ALKAL1: variants seen among roughly 807,000 people sequenced by gnomAD.
ALKAL1 encodes the protein ALK and LTK ligand 1, also known as AUG-beta.
ALKAL1 carries 23 observed loss-of-function variants against 13.5 expected under a neutral mutation model. The observed-to-expected ratio is 1.70, with a 90% CI of 1.23 to 2.41. The LOEUF is 2.41. Among genes scored for constraint, ALKAL1 ranks in the 30% most tolerant of loss-of-function variants. The pLI is 0.00. For synonymous variants in ALKAL1, 85 were observed against 77.7 expected (o/e 1.09, Z -0.49); for missense variants, 181 against 178.4 (o/e 1.01, Z -0.08).
At chr8:52,563,528 G>T (rs1455056075) in intron 1 of ALKAL1, among the ~76,000 whole-genome samples, 1 of 152,242 alleles carries the variant, frequency 6.6e-6, no homozygotes, top group African/African-American at 2.4e-5. Flanking sequence ...GAATGAAACA[G>T]AAGGTCTGAA....
chr8:52,536,123 G>A (rs1847265111), intron 4 of ALKAL1, among the ~76,000 whole-genome samples: 1 of 152,162 alleles, frequency 6.6e-6, no homozygotes, highest in Non-Finnish European at 1.5e-5. Flanking sequence ...ATTTTTAGTA[G>A]AGACAGGGTT....
chr8:52,546,424 G>T (rs545196993), intron 1 of ALKAL1, among the ~76,000 whole-genome samples: 8 of 152,148 alleles, frequency 5.3e-5, no homozygotes, highest in African/African-American at 1.4e-4. Flanking sequence ...AATAATAGAC[G>T]CTAGGAATAA....
At chr8:52,562,889 G>C (rs1409568221) in intron 1 of ALKAL1, among the ~76,000 whole-genome samples, 2 of 152,168 alleles carry the variant, frequency 1.3e-5, no homozygotes, top group African/African-American at 4.8e-5. Context: ...AGAACATCCA[G>C]ATAGGCCCTT....
intron 1 of ALKAL1, among the ~76,000 whole-genome samples, chr8:52,554,768 GGAAT>G (rs1847463917): frequency 6.6e-6 from 1 of 152,292 alleles, no homozygotes; most frequent in South Asian, 2.1e-4. Flanking sequence ...AGAGAAAGAA[GGAAT>G]GGTCAGAGAA....
intron 1 of ALKAL1, among the ~76,000 whole-genome samples, chr8:52,554,722 A>C (rs1372038108): frequency 6.6e-6 from 1 of 152,230 alleles, no homozygotes; most frequent in Non-Finnish European, 1.5e-5. Context: ...CTTGGGGTAC[A>C]CAAACACTTA....
chr8:52,537,184 A>G (rs988980650), intron 4 of ALKAL1, among the ~76,000 whole-genome samples: 2 of 152,248 alleles, frequency 1.3e-5, no homozygotes, highest in Admixed American at 6.5e-5. Flanking sequence ...ATTTCTCAAA[A>G]GAAGACATAC....
At chr8:52,548,914 T>C (rs1326394818) in intron 1 of ALKAL1, among the ~76,000 whole-genome samples, 1 of 152,122 alleles carries the variant, frequency 6.6e-6, no homozygotes, top group Non-Finnish European at 1.5e-5. Flanking sequence ...TACTATCTCT[T>C]ATTCTTATAT....
At chr8:52,555,801 G>C (rs185500697) in intron 1 of ALKAL1, among the ~76,000 whole-genome samples, 1 of 152,094 alleles carries the variant, frequency 6.6e-6, no homozygotes, top group Non-Finnish European at 1.5e-5. Context: ...CATTTTCCCC[G>C]TTCCTCCTTC....
intron 1 of ALKAL1, among the ~76,000 whole-genome samples, chr8:52,545,878 G>A (rs748343901): frequency 1.3e-5 from 2 of 152,300 alleles, no homozygotes; most frequent in African/African-American, 2.4e-5. Flanking sequence ...GAAATGCATC[G>A]TTAGGAGATT....
At chr8:52,542,678 T>C (rs769908979) in intron 1 of ALKAL1, among the ~76,000 whole-genome samples, 8 of 152,170 alleles carry the variant, frequency 5.3e-5, no homozygotes, top group Non-Finnish European at 1.2e-4. Flanking sequence ...CTCTCAAAAG[T>C]GCACAGCCGC....
intron 1 of ALKAL1, among the ~76,000 whole-genome samples, chr8:52,560,024 G>A (rs549138820): frequency 7.2e-5 from 11 of 151,968 alleles, no homozygotes; most frequent in African/African-American, 2.2e-4. Context: ...ATTAAAAACC[G>A]AGTAACCCCT....
chr8:52,558,347 C>CAA (rs398007812), intron 1 of ALKAL1, among the ~76,000 whole-genome samples: 431 of 18,824 alleles, frequency 0.023, 50 homozygotes, highest in African/African-American at 0.043. Context: ...GACTCCATCT[C>CAA]AAAAAAAAAA....
intron 1 of ALKAL1, among the ~76,000 whole-genome samples, chr8:52,546,429 G>C (rs1441541360): frequency 6.6e-6 from 1 of 152,120 alleles, no homozygotes; most frequent in Non-Finnish European, 1.5e-5. Context: ...TAGACGCTAG[G>C]AATAATAGCT....
Position 52,553,592 on chromosome 8 carries a change from C to A in ALKAL1, c.191-11147G>T, listed in dbSNP as rs182680301. Among the ~76,000 whole-genome samples the A allele has an allele frequency of 6.1e-4, 93 of 152,200 alleles. No homozygotes were observed. The East Asian group carries it at 8.7e-3, about 14-fold the overall frequency. On this transcript the variant is annotated intron_variant, in intron 1 of 4. Coordinates refer to ENST00000358543, the MANE Select transcript of ALKAL1 (RefSeq NM_207413.4). ...GGTTTCTTTTATAAATTCAGGTAGA[C>A]AAATTAAATAATCTCTAAAGTCCTT...
chr8:52,534,554 T>C lies in ALKAL1; in HGVS notation c.*59A>G, dbSNP rs1278297638. The C allele has an allele frequency of 3.3e-6, 2 of 601,192 alleles. No individual in the cohort carries two copies. Among genetic ancestry groups the C allele is most frequent in the Non-Finnish European group, 5.9e-6 (2 of 339,896 alleles). The allele number at this position is 601,192 out of a possible 1,614,324, so 37.2% of individuals were successfully genotyped here. ...TCATCTTTTTTTACATTTTGCATGA[T>C]TTGAGGCACTTTTTCTTCAAATTAG... On this transcript the variant is annotated 3_prime_UTR_variant, in exon 5 of 5. Coordinates refer to ENST00000358543, the MANE Select transcript of ALKAL1 (RefSeq NM_207413.4).
At chr8:52,564,624 C>T (rs1847582088) in intron 1 of ALKAL1, among the ~76,000 whole-genome samples, 1 of 152,128 alleles carries the variant, frequency 6.6e-6, no homozygotes, top group Non-Finnish European at 1.5e-5. Context: ...CTGCGGCCAG[C>T]GTGAAAGGGG....
intron 4 of ALKAL1, among the ~76,000 whole-genome samples, chr8:52,537,455 C>T (rs1000944571): frequency 2.0e-5 from 3 of 152,096 alleles, no homozygotes; most frequent in African/African-American, 7.2e-5. Flanking sequence ...CCATATGACC[C>T]CAAAATCCCA....
chr8:52,534,610 TA>T lies in ALKAL1; in HGVS notation c.*13-11del. 1 of 599,898 alleles carries T rather than the reference TA, an allele frequency of 1.7e-6. No homozygotes were observed. The highest frequency in any genetic ancestry group is 3.0e-6 in the Non-Finnish European group (1 of 338,286). 37.2% of individuals were successfully genotyped at this position (599,898 alleles called of 1,614,324 possible). On this transcript the variant is annotated splice_polypyrimidine_tract_variant and intron_variant, in intron 4 of 4. Transcript: ENST00000358543. Reference sequence around the variant, plus strand: ...CATTCTTAGGAAATGTCTGTGGGGGTAAAAGAAGAGCCATATCATTTATGAC... The same window carrying T: ...CATTCTTAGGAAATGTCTGTGGGGGTAAAGAAGAGCCATATCATTTATGAC...
At position 52,538,351 on chromosome 8, in the gene ALKAL1, C is replaced by T. The variant is rs1236697669; in HGVS notation, c.*12+80G>A. ...ATAAATATGTACAATCATTATGTGT[C>T]AACTAAAAAGAAAAGGAAAAAATGT... is the stretch of plus-strand genomic sequence containing the variant. On this transcript the variant is annotated intron_variant, in intron 4 of 4. Transcript: ENST00000358543. 8.8e-6 allele frequency: 7 copies of T among 793,262 alleles called. No individual in the cohort carries two copies. In the African/African-American group the frequency reaches 1.2e-4, roughly 14 times the overall value. The allele number at this position is 793,262 out of a possible 1,614,324, so 49.1% of individuals were successfully genotyped here.
Sources: allele counts gnomAD v4.1 joint callset (sites outside exome capture counted in the v4.1 genomes callset), GRCh38; gene constraint gnomAD v4.1.1; transcripts MANE v1.5; gene names NCBI Gene and HGNC (gene_info 2026-07-23, HGNC 2026-07-21).